The following ANKRD44 variants were observed in gnomAD, a reference collection of about 807,000 sequenced individuals.
ANKRD44 encodes the protein ankyrin repeat domain 44.
Under a neutral mutation model 116.0 loss-of-function variants are expected in ANKRD44, and 35 were observed. The observed-to-expected ratio is 0.30, with a 90% confidence interval of 0.23 to 0.40. The LOEUF is 0.40. ANKRD44 is among the 10% of genes least tolerant of loss of function. The pLI is 1.00. For missense variants in ANKRD44, 1,014 were observed against 1,242.6 expected (o/e 0.82, Z 2.77); for synonymous variants, 435 against 461.8 (o/e 0.94, Z 0.74).
At chr2:197,124,158 T>C (rs1428045823) in intron 6 of ANKRD44, among the ~76,000 whole-genome samples, 1 of 152,172 alleles carries the variant, frequency 6.6e-6, no homozygotes, top group Non-Finnish European at 1.5e-5. Flanking sequence ...CAAAAATCCA[T>C]GTCAACTTTT....
intron 16 of ANKRD44, among the ~76,000 whole-genome samples, chr2:197,055,085 T>C (rs143307037): frequency 6.6e-6 from 1 of 152,334 alleles, no homozygotes; most frequent in East Asian, 1.9e-4. Flanking sequence ...TGTAAGATAA[T>C]GAATTTGTGT....
In ANKRD44 at chr2:197,209,919, T is replaced by C. The variant is rs114396152; in HGVS notation, c.28-22813A>G. 7.8e-3 allele frequency among the ~76,000 whole-genome samples: 1,193 copies of C among 152,276 alleles called. 17 individuals are homozygous for C. The highest frequency in any genetic ancestry group is 0.027 in the African/African-American group (1,122 of 41,550). On this transcript the variant is annotated intron_variant, in intron 1 of 27. Transcript: ENST00000282272. ...ATGACTGCGGCTAGAAGTTGAGGGC[T>C]GCTGGGGACTGGGTACTTGGAGACC...
At chr2:197,224,738 C>T (rs2081662907) in intron 1 of ANKRD44, among the ~76,000 whole-genome samples, 1 of 152,134 alleles carries the variant, frequency 6.6e-6, no homozygotes, top group Non-Finnish European at 1.5e-5. Flanking sequence ...ACTCAATTTT[C>T]TTTCCTTTTC....
At chr2:197,237,559 T>C (rs899009465) in intron 1 of ANKRD44, among the ~76,000 whole-genome samples, 1 of 152,204 alleles carries the variant, frequency 6.6e-6, no homozygotes, top group Non-Finnish European at 1.5e-5. Flanking sequence ...GTGTGATGTC[T>C]GTAATGCCGG....
chr2:197,078,428 G>A (rs985293069), intron 16 of ANKRD44: 1 of 717,168 alleles, frequency 1.4e-6, no homozygotes, highest in Admixed American at 3.5e-5. Context: ...CTGGTGTTAG[G>A]AGGCAGAAAT....
Position 197,031,648 on chromosome 2 carries a change from T to C in ANKRD44, c.1651-6381A>G, listed in dbSNP as rs190060973. Among the ~76,000 whole-genome samples the C allele has an allele frequency of 2.9e-3, 436 of 152,322 alleles. 3 individuals carry two copies. The highest frequency in any genetic ancestry group is 9.8e-3 in the African/African-American group (407 of 41,574). On this transcript the variant is annotated intron_variant, in intron 16 of 27. Transcript: ENST00000282272. ...TCTAGTCAATACATGTGGAACAAAA[T>C]GCTATGATGTTAGGATTTTTTGGTA... is the stretch of plus-strand genomic sequence containing the variant.
At chr2:197,263,502 G>C (rs2082664269) in intron 1 of ANKRD44, 1 of 379,044 alleles carries the variant, frequency 2.6e-6, no homozygotes, top group Non-Finnish European at 5.0e-6. Context: ...TCTTTTGCCT[G>C]ATGGTGGCCT....
chr2:197,178,766 G>A (rs900917942), intron 2 of ANKRD44, among the ~76,000 whole-genome samples: 3 of 151,858 alleles, frequency 2.0e-5, no homozygotes, highest in East Asian at 1.9e-4. Flanking sequence ...TTTGTATTCC[G>A]CTGTTTTCAT....
intron 1 of ANKRD44, among the ~76,000 whole-genome samples, chr2:197,223,168 A>T (rs763082343): frequency 1.3e-5 from 2 of 152,210 alleles, no homozygotes; most frequent in Non-Finnish European, 2.9e-5. Flanking sequence ...AACAGTTTAG[A>T]TAATAATGTT....
chr2:197,299,359 A>G (rs1190436900), intron 1 of ANKRD44: 2 of 152,246 alleles, frequency 1.3e-5, no homozygotes, highest in Non-Finnish European at 2.9e-5. Flanking sequence ...AAAAGAAGTC[A>G]TAAGAAAAAG....
At chr2:197,139,846 TTTTG>T (rs1184054016) in intron 3 of ANKRD44, among the ~76,000 whole-genome samples, 1 of 116,956 alleles carries the variant, frequency 8.6e-6, no homozygotes, top group African/African-American at 3.2e-5. Flanking sequence ...ACTAAGCTGC[TTTTG>T]TGTGTGTGTG....
intron 17 of ANKRD44, among the ~76,000 whole-genome samples, chr2:197,024,394 G>A (rs1451887760): frequency 1.3e-5 from 2 of 152,184 alleles, no homozygotes; most frequent in Non-Finnish European, 2.9e-5. Flanking sequence ...CCAAGGGCAC[G>A]TGAGTGCCTC....
chr2:196,997,824 T>G (rs145400120), intron 25 of ANKRD44, among the ~76,000 whole-genome samples: 3,218 of 151,886 alleles, frequency 0.021, 50 homozygotes, highest in Non-Finnish European at 0.028. Flanking sequence ...AAAAATCACA[T>G]TTTTTGCATT....
Position 197,203,914 on chromosome 2 carries a change from TAGAAAC to T in ANKRD44, c.28-16814_28-16809del, listed in dbSNP as rs2081148490. Among the ~76,000 whole-genome samples the T allele has an allele frequency of 6.6e-6, 1 of 152,070 alleles. No individual in the cohort carries two copies. Among genetic ancestry groups the T allele is most frequent in the South Asian group, 2.1e-4 (1 of 4,832 alleles). On this transcript the variant is annotated intron_variant, in intron 1 of 27. Transcript: ENST00000282272. This position sits in a 1 kb window ranked among gnomAD's most constrained non-coding sequence, Gnocchi z 4.1. ...TCCATTTATATGAAATAGCCACACA[TAGAAAC>T]AGAAAGCTGATTAGCAGTTACCAGG...
intron 8 of ANKRD44, among the ~76,000 whole-genome samples, chr2:197,119,733 C>T (rs2078808326): frequency 6.6e-6 from 1 of 152,184 alleles, no homozygotes; most frequent in African/African-American, 2.4e-5. Context: ...AAACCAGAGA[C>T]AGAATACACT....
intron 1 of ANKRD44, among the ~76,000 whole-genome samples, chr2:197,193,526 G>A (rs577622671): frequency 3.0e-4 from 45 of 152,072 alleles, no homozygotes; most frequent in African/African-American, 7.5e-4. Flanking sequence ...ATCCATTTCC[G>A]TTTCAGTTTT....
At chr2:197,155,397 T>C (rs752459308) in intron 2 of ANKRD44, among the ~76,000 whole-genome samples, 1 of 152,048 alleles carries the variant, frequency 6.6e-6, no homozygotes, top group Non-Finnish European at 1.5e-5. Flanking sequence ...ATGAAAGTTA[T>C]TCTCCATTAT....
At chr2:197,226,562 G>A (rs150024274) in intron 1 of ANKRD44, among the ~76,000 whole-genome samples, 2,156 of 152,208 alleles carry the variant, frequency 0.014, 48 homozygotes, top group African/African-American at 0.048. Flanking sequence ...TACTCGGGAG[G>A]CTGAGGCAGA....
intron 16 of ANKRD44, among the ~76,000 whole-genome samples, chr2:197,042,658 C>CA (rs1194217487): frequency 1.3e-5 from 2 of 152,092 alleles, no homozygotes; most frequent in Non-Finnish European, 2.9e-5. Context: ...CCAGGAATAA[C>CA]ATATGAATTT....
Sources: gnomAD v4.1 joint callset for allele counts (sites outside exome capture counted in the v4.1 genomes callset) on GRCh38, gnomAD v4.1.1 for gene constraint, Gnocchi (gnomAD v3.1) non-coding constraint, MANE v1.5 for transcripts, NCBI Gene and HGNC (gene_info 2026-07-23, HGNC 2026-07-21) for gene names.